The following RIOK3 variants were observed in gnomAD, a reference collection of about 807,000 sequenced individuals.
RIOK3 encodes the protein serine/threonine-protein kinase RIO3.
A neutral mutation model predicts 63.5 loss-of-function variants in RIOK3; 40 were observed. The ratio of observed to expected loss-of-function variants is 0.63; its 90% confidence interval spans 0.49 to 0.82. The LOEUF is 0.82. RIOK3 is among the 40% of genes least tolerant of loss of function. RIOK3 has a pLI of 0.00. For missense variants in RIOK3, 557 were observed against 637.0 expected (o/e 0.87, Z 1.35); for synonymous variants, 193 against 205.0 (o/e 0.94, Z 0.50).
At chr18:23,470,363 TC>T (rs1191477374) in intron 7 of RIOK3, among the ~76,000 whole-genome samples, 1 of 146,264 alleles carries the variant, frequency 6.8e-6, no homozygotes, top group East Asian at 2.0e-4. Flanking sequence ...AGATTCCGTC[TC>T]AAAAAAAAAA....
In RIOK3 at chr18:23,464,019, C is replaced by G; in HGVS notation, c.232C>G (p.Leu78Val). ...AGAAAACATTGATACTTCCAGTGACCTTATGCTGGCTCAGATGCTACAGAT... is the reference window on the plus strand; with the variant it reads ...AGAAAACATTGATACTTCCAGTGACGTTATGCTGGCTCAGATGCTACAGAT... ...TGENIDTSSD[L>V]MLAQMLQMEY... Residue 78 changes from leucine to valine, a missense_variant, in exon 3 of 13, where the codon CTT (leucine) becomes GTT (valine). By Grantham distance (32) the Leu-to-Val change is conservative. Transcript: ENST00000339486. 1 of 1,613,074 alleles carries G rather than the reference C, an allele frequency of 6.2e-7. No individual in the cohort carries two copies. The highest frequency in any genetic ancestry group is 8.5e-7 in the Non-Finnish European group (1 of 1,179,408).
chr18:23,467,041 C>T (rs1465558659), intron 6 of RIOK3, among the ~76,000 whole-genome samples: 2 of 151,484 alleles, frequency 1.3e-5, no homozygotes, highest in Non-Finnish European at 2.9e-5. Flanking sequence ...TTAGGCCAGG[C>T]GTGGTGGCTC....
At position 23,461,915 on chromosome 18, in the gene RIOK3, C is replaced by A. The variant is rs540827718; in HGVS notation, c.64-1049C>A. Among the ~76,000 whole-genome samples the A allele has an allele frequency of 7.9e-5, 12 of 151,576 alleles. No homozygotes were observed. In the South Asian group the frequency reaches 2.5e-3, roughly 32 times the overall value. ...GACCAGCCTAGACAACTTGGCAAAA[C>A]CCTATCTCTACTAAAAATACAAAAA... On this transcript the variant is annotated intron_variant, in intron 1 of 12. Coordinates refer to ENST00000339486, the MANE Select transcript of RIOK3 (RefSeq NM_003831.5).
chr18:23,464,526 G>A lies in RIOK3; in HGVS notation c.441G>A (p.Pro147=), dbSNP rs140310363. The A allele has an allele frequency of 4.7e-5, 75 of 1,596,912 alleles. No individual in the cohort carries two copies. Among genetic ancestry groups the A allele is most frequent in the Non-Finnish European group, 5.4e-5 (63 of 1,173,474 alleles). ...TATTTCAATTGCCTTTAGCAAAACCGGTTCCCACTCCTAAAAAGGGCTTTA... is the reference window on the plus strand; with the variant it reads ...TATTTCAATTGCCTTTAGCAAAACCAGTTCCCACTCCTAAAAAGGGCTTTA... ...TRDDPYRPAK[P]VPTPKKGFIG... The change falls in exon 5 of 13, where the codon CCG becomes CCA. Residue 147 remains proline (P), a synonymous_variant. Coordinates refer to ENST00000339486, the MANE Select transcript of RIOK3 (RefSeq NM_003831.5).
At chr18:23,470,746 C>G (rs1201408087) in intron 7 of RIOK3, among the ~76,000 whole-genome samples, 1 of 152,128 alleles carries the variant, frequency 6.6e-6, no homozygotes, top group Non-Finnish European at 1.5e-5. Flanking sequence ...ACCTTAAAAG[C>G]TAGGCAGAGG....
At chr18:23,480,392 G>T (rs976563054) in intron 12 of RIOK3, among the ~76,000 whole-genome samples, 1 of 152,020 alleles carries the variant, frequency 6.6e-6, no homozygotes, top group South Asian at 2.1e-4. Context: ...TTTGATGAAT[G>T]GTAGAGTTTT....
chr18:23,467,209 G>T (rs2057415180), intron 6 of RIOK3, among the ~76,000 whole-genome samples, 190 bp from the exon 7 acceptor site: 1 of 152,062 alleles, frequency 6.6e-6, no homozygotes, highest in African/African-American at 2.4e-5. Context: ...AGCTACTCGG[G>T]AGGCTGAGGC....
At chr18:23,476,943 G>A in intron 9 of RIOK3, 63 bp from the exon 10 acceptor site, 2 of 1,365,814 alleles carry the variant, frequency 1.5e-6, no homozygotes, top group Non-Finnish European at 2.1e-6. Flanking sequence ...ACTTTCAGGG[G>A]TGTCATCATC....
intron 4 of RIOK3, 52 bp from the exon 5 acceptor site, chr18:23,464,467 C>A: frequency 1.6e-6 from 2 of 1,276,458 alleles, no homozygotes; most frequent in South Asian, 1.3e-5. Context: ...TTGAATGCAG[C>A]AATGTAGTCT....
At chr18:23,469,209 C>T (rs1168699161) in intron 7 of RIOK3, among the ~76,000 whole-genome samples, 1 of 152,168 alleles carries the variant, frequency 6.6e-6, no homozygotes, top group Non-Finnish European at 1.5e-5. Flanking sequence ...GGCTATCCCA[C>T]ACATGCTCAA....
chr18:23,465,188 A>G (rs1043085363), intron 5 of RIOK3, among the ~76,000 whole-genome samples: 51 of 152,168 alleles, frequency 3.4e-4, no homozygotes, highest in African/African-American at 1.1e-3. Flanking sequence ...CCTGACCAAC[A>G]TGGAAAAACC....
At chr18:23,470,450 C>A (rs2057449300) in intron 7 of RIOK3, among the ~76,000 whole-genome samples, 2 of 151,520 alleles carry the variant, frequency 1.3e-5, no homozygotes, top group South Asian at 2.1e-4. Flanking sequence ...TTTTTTAAGT[C>A]ATACAGAAAA....
At chr18:23,478,574 A>G (rs79332864) in intron 11 of RIOK3, among the ~76,000 whole-genome samples, 1,569 of 123,344 alleles carry the variant, frequency 0.013, 35 homozygotes, top group African/African-American at 0.046. Flanking sequence ...CCTGGATGAC[A>G]GTGCTAGGCC....
In RIOK3 at chr18:23,453,634, G is replaced by A. The variant is rs2145661677; in HGVS notation, c.63+132G>A. ...GGACCCCGCGGACCTCGGCAAGGGG[G>A]CACTGGCCGCGGGGGTGCCGGGATG... On this transcript the variant is annotated intron_variant, in intron 1 of 12. Transcript: ENST00000339486. 4.1e-5 allele frequency: 32 copies of A among 771,564 alleles called. No homozygotes were observed. In the South Asian group the frequency reaches 4.2e-4, roughly 10 times the overall value. The allele number at this position is 771,564 out of a possible 1,614,324, so 47.8% of individuals were successfully genotyped here.
intron 1 of RIOK3, among the ~76,000 whole-genome samples, chr18:23,455,027 CTTTCCTTTCT>C (rs1237514015): frequency 1.7e-4 from 25 of 151,218 alleles, no homozygotes; most frequent in Middle Eastern, 3.4e-3. Context: ...CCTTCCTTTC[CTTTCCTTTCT>C]TTCCTTCCTT....
At chr18:23,454,121 T>G (rs905805501) in intron 1 of RIOK3, among the ~76,000 whole-genome samples, 2 of 152,262 alleles carry the variant, frequency 1.3e-5, no homozygotes, top group Non-Finnish European at 2.9e-5. Context: ...ACATTTGCTT[T>G]CTGGTTTCCA....
chr18:23,472,263 TATAGAG>T (rs1314215658), intron 7 of RIOK3, among the ~76,000 whole-genome samples: 1 of 151,722 alleles, frequency 6.6e-6, no homozygotes, highest in East Asian at 1.9e-4. Flanking sequence ...GAGTTGTCTA[TATAGAG>T]ATGATATTTA....
At chr18:23,466,384 G>A in intron 6 of RIOK3, 108 bp downstream of exon 6, 1 of 919,404 alleles carries the variant, frequency 1.1e-6, no homozygotes, top group Non-Finnish European at 1.6e-6. Flanking sequence ...TCATGAGATT[G>A]GCTTTTTAAA....
At chr18:23,467,322 A>T in intron 6 of RIOK3, 77 bp from the exon 7 acceptor site, 1 of 1,451,252 alleles carries the variant, frequency 6.9e-7, no homozygotes, top group Non-Finnish European at 9.4e-7. Context: ...CTCAAAAAAA[A>T]AAAGTTATTA....
Sources: allele counts gnomAD v4.1 joint callset (sites outside exome capture counted in the v4.1 genomes callset), GRCh38; gene constraint gnomAD v4.1.1; transcripts MANE v1.5; gene names NCBI Gene and HGNC (gene_info 2026-07-23, HGNC 2026-07-21).